Variants in NBAS observed in about 807,000 individuals in gnomAD.
The protein encoded by NBAS is NAG/BC035112 fusion.
A neutral mutation model predicts 302.5 loss-of-function variants in NBAS; 219 were observed. The observed-to-expected ratio is 0.72, with a 90% CI of 0.65 to 0.81. NBAS has a LOEUF of 0.81. Among genes scored for constraint, NBAS ranks in the 30% least tolerant of loss-of-function variants. NBAS has a pLI of 0.00. For missense variants in NBAS, 2,932 were observed against 2,841.6 expected (o/e 1.03, Z -0.72); for synonymous variants, 1,118 against 1,021.6 (o/e 1.09, Z -1.80).
chr2:15,532,211 C>G (rs1663251982), intron 9 of NBAS, among the ~76,000 whole-genome samples: 1 of 152,048 alleles, frequency 6.6e-6, no homozygotes, highest in African/African-American at 2.4e-5. Flanking sequence ...TACTATAGGA[C>G]AGGCATGGTG....
Position 15,511,375 on chromosome 2 carries a change from A to T in NBAS, c.747-25T>A, listed in dbSNP as rs769111294. The T allele has an allele frequency of 1.1e-5, 17 of 1,607,780 alleles. No homozygotes were observed. The South Asian group carries it at 1.9e-4, about 18-fold the overall frequency. Reference sequence around the variant, plus strand: ...TCTAAAAAGGAGAAAATTTTTAAAAATCGATAAATTGCAAATATAAATAAG... The same window carrying T: ...TCTAAAAAGGAGAAAATTTTTAAAATTCGATAAATTGCAAATATAAATAAG... On this transcript the variant is annotated intron_variant, in intron 9 of 51. Transcript: ENST00000281513.
the NBAS span, among the ~76,000 whole-genome samples, chr2:14,906,626 A>C: frequency 6.6e-6 from 1 of 152,142 alleles, no homozygotes; most frequent in Non-Finnish European, 1.5e-5. Context: ...ATAACTCGAC[A>C]GGGGCAGAAG....
chr2:15,035,514 A>G, the NBAS span, among the ~76,000 whole-genome samples: 1 of 152,214 alleles, frequency 6.6e-6, no homozygotes, highest in Non-Finnish European at 1.5e-5. Context: ...AATATAAGTC[A>G]TTCTGTTATA....
In NBAS at chr2:15,475,673, G is replaced by A. The variant is rs1164411823; in HGVS notation, c.1341+14C>T. The A allele has an allele frequency of 1.2e-6, 2 of 1,613,196 alleles. No individual in the cohort carries two copies. The highest frequency in any genetic ancestry group is 1.7e-5 in the Admixed American group (1 of 60,002). On this transcript the variant is annotated intron_variant, in intron 14 of 51. Transcript: ENST00000281513. ...ATACATAACTATTCTCAAACAAACA[G>A]GAAAAAGCCTTACCTCCAAACTTAA...
chr2:15,382,614 G>T (rs1313488059), intron 29 of NBAS, among the ~76,000 whole-genome samples: 1 of 152,162 alleles, frequency 6.6e-6, no homozygotes, highest in Admixed American at 6.5e-5. Context: ...TGGAGGAAAT[G>T]ATGACAGGCT....
intron 47 of NBAS, among the ~76,000 whole-genome samples, chr2:15,220,587 T>C (rs1380390901): frequency 6.6e-6 from 1 of 152,186 alleles, no homozygotes; most frequent in Non-Finnish European, 1.5e-5. Context: ...TTGTACAATG[T>C]TCTATCTCAT....
the NBAS span, among the ~76,000 whole-genome samples, chr2:15,098,446 G>A: frequency 3.1e-4 from 11 of 35,952 alleles, no homozygotes; most frequent in African/African-American, 1.2e-3. Flanking sequence ...ATTGTATATT[G>A]TATATTATAT....
chr2:14,845,999 T>A, the NBAS span, among the ~76,000 whole-genome samples: 2 of 152,120 alleles, frequency 1.3e-5, no homozygotes, highest in African/African-American at 4.8e-5. Flanking sequence ...TTCAAAGCGA[T>A]AATAACACAG....
At chr2:15,173,474 T>C (rs1419478312) in intron 51 of NBAS, among the ~76,000 whole-genome samples, 1 of 152,234 alleles carries the variant, frequency 6.6e-6, no homozygotes, top group Non-Finnish European at 1.5e-5. Context: ...TTCTCATATA[T>C]ACTATTACTA....
chr2:15,230,263 A>G (rs144088808), intron 47 of NBAS, among the ~76,000 whole-genome samples: 2 of 152,246 alleles, frequency 1.3e-5, no homozygotes, highest in East Asian at 1.9e-4. Context: ...TCTCCCCTAG[A>G]TGATTCTGCC....
the NBAS span, among the ~76,000 whole-genome samples, chr2:14,851,267 A>G: frequency 7.6e-5 from 11 of 145,540 alleles, no homozygotes; most frequent in Admixed American, 3.3e-4. Context: ...GATCCCACAG[A>G]AATACAAACT....
At chr2:15,193,586 AT>A (rs1287919605) in intron 48 of NBAS, among the ~76,000 whole-genome samples, 1 of 152,120 alleles carries the variant, frequency 6.6e-6, no homozygotes, top group Non-Finnish European at 1.5e-5. Context: ...ATCCTTTAAG[AT>A]TTTTTGCAAT....
At chr2:15,036,297 A>G in the NBAS span, among the ~76,000 whole-genome samples, 5 of 152,204 alleles carry the variant, frequency 3.3e-5, no homozygotes, top group African/African-American at 1.2e-4. Flanking sequence ...TATTTTTATA[A>G]GGTCTACCAA....
the NBAS span, among the ~76,000 whole-genome samples, chr2:15,005,747 C>T: frequency 6.6e-6 from 1 of 152,222 alleles, no homozygotes; most frequent in Non-Finnish European, 1.5e-5. Flanking sequence ...GAGTTGAGAA[C>T]ACTGCACAAC....
intron 26 of NBAS, among the ~76,000 whole-genome samples, chr2:15,396,920 T>C (rs1409705490): frequency 1.3e-5 from 2 of 152,242 alleles, no homozygotes; most frequent in African/African-American, 4.8e-5. Flanking sequence ...TAGGATTCCA[T>C]ATACTCAGAA....
chr2:15,126,421 G>C, the NBAS span, among the ~76,000 whole-genome samples: 11 of 152,146 alleles, frequency 7.2e-5, no homozygotes, highest in South Asian at 8.3e-4. Context: ...TAGAGGAATG[G>C]GGAAGACACA....
the NBAS span, among the ~76,000 whole-genome samples, chr2:14,818,692 C>T: frequency 1.3e-5 from 2 of 152,082 alleles, no homozygotes; most frequent in African/African-American, 2.4e-5. Flanking sequence ...ATGTGAAGGA[C>T]GCATGAAGGT....
chr2:14,885,649 A>G, the NBAS span, among the ~76,000 whole-genome samples: 1 of 152,162 alleles, frequency 6.6e-6, no homozygotes, highest in Non-Finnish European at 1.5e-5. Flanking sequence ...TTCAATAGGG[A>G]AGAAACAATG....
chr2:15,401,818 A>G (rs1676165096), intron 26 of NBAS, among the ~76,000 whole-genome samples: 1 of 152,228 alleles, frequency 6.6e-6, no homozygotes, highest in African/African-American at 2.4e-5. Context: ...TTAGCCAATA[A>G]ATATGAAAAA....
Sources: allele counts gnomAD v4.1 joint callset (sites outside exome capture counted in the v4.1 genomes callset), GRCh38; gene constraint gnomAD v4.1.1; transcripts MANE v1.5; gene names NCBI Gene and HGNC (gene_info 2026-07-23, HGNC 2026-07-21).